PLXDC1: variants seen among roughly 807,000 people sequenced by gnomAD.
The protein encoded by PLXDC1 is plexin domain containing 1.
A neutral mutation model predicts 61.3 loss-of-function variants in PLXDC1; 39 were observed. The ratio of observed to expected loss-of-function variants is 0.64; its 90% CI spans 0.49 to 0.83. The LOEUF (loss-of-function observed/expected upper bound fraction) is 0.83. Ranked by LOEUF, PLXDC1 falls within the 40% of genes least tolerant of loss-of-function variation. PLXDC1 has a pLI of 0.00. For missense variants in PLXDC1, 596 were observed against 666.5 expected (o/e 0.89, Z 1.17); for synonymous variants, 212 against 254.5 (o/e 0.83, Z 1.59).
chr17:39,109,182 AGGCAGGGTGGTTT>A, intron 3 of PLXDC1, 53 bp downstream of exon 3: 1 of 1,549,736 alleles, frequency 6.5e-7, no homozygotes, highest in Non-Finnish European at 8.7e-7. Flanking sequence ...CCCACTGACC[AGGCAGGGTGGTTT>A]GGCCCCCGGC....
At position 39,118,200 on chromosome 17, in the gene PLXDC1, CTCTTT is replaced by C. The variant is rs1336926732; in HGVS notation, c.256-8814_256-8810del. ...TCTCTCTCTGTCTGTCTGTCTCTCTCTCTTTTCTTTTCTTCTTTTTTGAGATGGAG... is the reference window on the plus strand; with the variant it reads ...TCTCTCTCTGTCTGTCTGTCTCTCTCTCTTTTCTTCTTTTTTGAGATGGAG... On this transcript the variant is annotated intron_variant, in intron 2 of 13. Coordinates refer to ENST00000315392, the MANE Select transcript of PLXDC1 (RefSeq NM_020405.5). Among the ~76,000 whole-genome samples the C allele has an allele frequency of 3.3e-5, 5 of 151,066 alleles. No individual in the cohort carries two copies. The East Asian group carries it at 9.7e-4, about 29-fold the overall frequency.
At chr17:39,121,404 A>G (rs1176834150) in intron 2 of PLXDC1, among the ~76,000 whole-genome samples, 1 of 152,194 alleles carries the variant, frequency 6.6e-6, no homozygotes, top group Non-Finnish European at 1.5e-5. Flanking sequence ...CCAGGCTGCA[A>G]TCGCTCATAG....
In PLXDC1 at chr17:39,139,784, C is replaced by T. The variant is rs35450036; in HGVS notation, c.125G>A (p.Arg42Gln). Residue 42 changes from arginine (R) to glutamine (Q), a missense_variant, in exon 2 of 14, where the codon CGG (arginine) becomes CAG (glutamine). Coordinates refer to ENST00000315392, the MANE Select transcript of PLXDC1 (RefSeq NM_020405.5). ...GSGWAAKGTV[R>Q]GWNRRARESP... ...CTCTCGGGCTCTCCGGTTCCAGCCC[C>T]GCACGGTCCCTTTGGCAGCCCATCC... The T allele has an allele frequency of 9.3e-6, 15 of 1,613,636 alleles. No individual in the cohort carries two copies. The highest frequency in any genetic ancestry group is 2.2e-5 in the South Asian group (2 of 91,066).
intron 2 of PLXDC1, among the ~76,000 whole-genome samples, chr17:39,115,692 G>A (rs3025165): frequency 6.6e-6 from 1 of 152,194 alleles, no homozygotes; most frequent in African/African-American, 2.4e-5. Context: ...GGAAGGAGAA[G>A]GGAAGCTGGC....
intron 2 of PLXDC1, among the ~76,000 whole-genome samples, chr17:39,119,319 A>G (rs1393714324): frequency 1.3e-5 from 2 of 152,210 alleles, no homozygotes; most frequent in Non-Finnish European, 2.9e-5. Flanking sequence ...AGTGTGAATG[A>G]GCCCACCACA....
In PLXDC1 at chr17:39,063,330, T is replaced by A; in HGVS notation, c.*4510A>T. The A allele has an allele frequency of 1.7e-6, 1 of 595,936 alleles. No homozygotes were observed. Among genetic ancestry groups the A allele is most frequent in the Non-Finnish European group, 3.0e-6 (1 of 336,144 alleles). 36.9% of individuals were successfully genotyped at this position (595,936 alleles called of 1,614,324 possible). A position where few individuals can be genotyped will look rare whatever the true frequency, so the allele number is the denominator to read the frequency against. ...ACAGCATAGACTTTCTCAGATTTAT[T>A]GTATGTCCTCAGACAGTAGATAAAA... is the stretch of plus-strand genomic sequence containing the variant. On this transcript the variant is annotated 3_prime_UTR_variant, in exon 14 of 14. Transcript: ENST00000315392.
At chr17:39,145,052 G>A (rs1912052258) in intron 1 of PLXDC1, among the ~76,000 whole-genome samples, 1 of 152,202 alleles carries the variant, frequency 6.6e-6, no homozygotes, top group Non-Finnish European at 1.5e-5. Flanking sequence ...ACCAGTCCAT[G>A]GCAGGATCTG....
rs773848963 is a variant in PLXDC1 at position 39,083,528 on chromosome 17, T to C, written c.920A>G (p.His307Arg). ...GGACATGCAGGCGTCACAGCTCCTA[T>C]GCTGCAGGCAGGCTGCAAGAGAGAA... ...EFTPLPTCLQ[H>R]RSCDACMSSD... Residue 307 changes from histidine to arginine, a missense_variant, in exon 9 of 14, where the codon CAT (histidine) becomes CGT (arginine). By Grantham distance (29) the His-to-Arg change is conservative. Transcript: ENST00000315392. 4 of 1,612,652 alleles carry C rather than the reference T, an allele frequency of 2.5e-6. No individual in the cohort carries two copies. The highest frequency in any genetic ancestry group is 3.4e-6 in the Non-Finnish European group (4 of 1,179,368).
At chr17:39,136,922 T>C (rs1911771710) in intron 2 of PLXDC1, among the ~76,000 whole-genome samples, 1 of 151,432 alleles carries the variant, frequency 6.6e-6, no homozygotes, top group African/African-American at 2.4e-5. Context: ...GAAGAAAAAA[T>C]TGAAGGATCA....
At chr17:39,147,370 C>T (rs1383039463) in intron 1 of PLXDC1, among the ~76,000 whole-genome samples, 2 of 152,206 alleles carry the variant, frequency 1.3e-5, no homozygotes, top group Admixed American at 6.5e-5. Flanking sequence ...AACCTCTAGC[C>T]CCAAATGCTG....
At position 39,082,095 on chromosome 17, in the gene PLXDC1, G is replaced by A. The variant is rs114896685; in HGVS notation, c.989+1364C>T. Among the ~76,000 whole-genome samples, 554 of 152,342 alleles carry A rather than the reference G, an allele frequency of 3.6e-3. 1 individual carries two copies. The highest frequency in any genetic ancestry group is 0.013 in the African/African-American group (527 of 41,586). ...CACAGCTGGTGGGAAGAACACCTGG[G>A]AGACCTGATGGGCACACCCCATCCC... On this transcript the variant is annotated intron_variant, in intron 9 of 13. Transcript: ENST00000315392.
chr17:39,108,637 G>A (rs1910681739), intron 4 of PLXDC1: 2 of 534,082 alleles, frequency 3.7e-6, no homozygotes, highest in Admixed American at 6.2e-5. Context: ...CTCTTATTCA[G>A]CAACTCCGGG....
At chr17:39,068,855 G>C (rs1227528731) in intron 13 of PLXDC1, among the ~76,000 whole-genome samples, 1 of 152,136 alleles carries the variant, frequency 6.6e-6, no homozygotes, top group African/African-American at 2.4e-5. Context: ...TGGTGGGCTT[G>C]TGACCCACGT....
At chr17:39,137,388 C>T (rs1911788423) in intron 2 of PLXDC1, 1 of 152,118 alleles carries the variant, frequency 6.6e-6, no homozygotes, top group Non-Finnish European at 1.5e-5. Flanking sequence ...AACCCCATCT[C>T]TACTAAAAAT....
intron 2 of PLXDC1, among the ~76,000 whole-genome samples, chr17:39,135,559 C>A (rs573110595): frequency 6.6e-6 from 1 of 152,118 alleles, no homozygotes; most frequent in East Asian, 1.9e-4. Flanking sequence ...TGCCTGTAAT[C>A]CCAGCTACTT....
At chr17:39,099,413 A>G (rs1910341007) in intron 7 of PLXDC1, among the ~76,000 whole-genome samples, 2 of 152,152 alleles carry the variant, frequency 1.3e-5, no homozygotes, top group Admixed American at 6.5e-5. Context: ...AGGGAGGTGC[A>G]GATGAAACAG....
intron 2 of PLXDC1, chr17:39,113,215 A>G (rs934355316): frequency 6.6e-6 from 1 of 152,234 alleles, no homozygotes; most frequent in Non-Finnish European, 1.5e-5. Flanking sequence ...TCCAGAAGCT[A>G]GGACAAGACA....
chr17:39,089,197 T>C (rs1909861135), intron 7 of PLXDC1, among the ~76,000 whole-genome samples: 1 of 152,128 alleles, frequency 6.6e-6, no homozygotes, highest in Non-Finnish European at 1.5e-5. Flanking sequence ...CCTGGCCCAT[T>C]CCTACAGGTG....
rs1249381083 is a variant in PLXDC1, at chr17:39,129,711, G to GAAGGAAGGAAAGAAAGAAAGAAA, written c.255+9942_255+9943insTTTCTTTCTTTCTTTCCTTCCTT. On this transcript the variant is annotated intron_variant, in intron 2 of 13. Transcript: ENST00000315392. ...AGAAAAGAAAGAAAGAAAGAAAGAA[G>GAAGGAAGGAAAGAAAGAAAGAAA]GAAAGAAAGAAAGAAAGAAAAGAAA... Among the ~76,000 whole-genome samples, 201 of 108,334 alleles carry GAAGGAAGGAAAGAAAGAAAGAAA rather than the reference G, an allele frequency of 1.9e-3. 2 individuals are homozygous for GAAGGAAGGAAAGAAAGAAAGAAA. Among genetic ancestry groups the GAAGGAAGGAAAGAAAGAAAGAAA allele is most frequent in the African/African-American group, 6.6e-3 (186 of 28,252 alleles). 71.1% of individuals were successfully genotyped at this position (108,334 alleles called of 152,430 possible).
Sources: allele counts gnomAD v4.1 joint callset (sites outside exome capture counted in the v4.1 genomes callset), GRCh38; gene constraint gnomAD v4.1.1; transcripts MANE v1.5; gene names NCBI Gene and HGNC (gene_info 2026-07-23, HGNC 2026-07-21).